Variants in MNDA observed in about 807,000 individuals in gnomAD.
MNDA encodes myeloid cell nuclear differentiation antigen, also known as epididymis secretory sperm binding protein.
A neutral mutation model predicts 37.8 loss-of-function variants in MNDA; 43 were observed. That is an observed-to-expected ratio of 1.14 (90% CI 0.89 to 1.47). The LOEUF (loss-of-function observed/expected upper bound fraction) is 1.47. Among genes scored for constraint, MNDA ranks in the 40% most tolerant of loss-of-function variants. MNDA has a pLI of 0.00. For synonymous variants in MNDA, 181 were observed against 169.0 expected (o/e 1.07, Z -0.55); for missense variants, 536 against 476.0 (o/e 1.13, Z -1.17).
chr1:158,834,403 T>C (rs1276293950), intron 1 of MNDA, among the ~76,000 whole-genome samples: 1 of 152,086 alleles, frequency 6.6e-6, no homozygotes, highest in African/African-American at 2.4e-5. Context: ...CGGCTAATTT[T>C]TGTATTTTTA....
Position 158,845,880 on chromosome 1 carries a change from C to T in MNDA, c.864C>T (p.Asp288=), listed in dbSNP as rs367869518. 1.5e-4 allele frequency: 240 copies of T among 1,614,016 alleles called. No homozygotes were observed. Among genetic ancestry groups the T allele is most frequent in the Non-Finnish European group, 1.9e-4 (227 of 1,180,020 alleles). ...TAAAGGAAGCATCATCTGTGTCTGACTTTAATCAAAATTTTGAGGTCCCAA... is the reference window on the plus strand; with the variant it reads ...TAAAGGAAGCATCATCTGTGTCTGATTTTAATCAAAATTTTGAGGTCCCAA... ...MEIKEASSVS[D]FNQNFEVPNR... is the part of the protein sequence containing the mutation. Residue 288 remains aspartate (D), a synonymous_variant, in exon 5 of 7, where the codon GAC becomes GAT. Coordinates refer to ENST00000368141, the MANE Select transcript of MNDA (RefSeq NM_002432.3).
Position 158,842,304 on chromosome 1 carries a change from T to C in MNDA, c.151T>C (p.Leu51=). The change falls in exon 2 of 7, where the codon TTG becomes CTG. Residue 51 remains leucine, a synonymous_variant. Coordinates refer to ENST00000368141, the MANE Select transcript of MNDA (RefSeq NM_002432.3). ...ATACAACAGAATTAAGATTACAGAT[T>C]TGATGGAAAAAAAGTTCCAAGGCGT... ...EEYNRIKITD[L]MEKKFQGVAC... The C allele has an allele frequency of 6.2e-7, 1 of 1,614,160 alleles. No homozygotes were observed. Among genetic ancestry groups the C allele is most frequent in the Non-Finnish European group, 8.5e-7 (1 of 1,179,996 alleles).
At chr1:158,847,953 A>G in intron 6 of MNDA, 37 bp downstream of exon 6, 1 of 1,582,770 alleles carries the variant, frequency 6.3e-7, no homozygotes, top group Non-Finnish European at 8.6e-7. Context: ...TTTGCTAAAG[A>G]GGCAAATAAT....
At chr1:158,845,475 C>T in intron 4 of MNDA, 112 bp from the exon 5 acceptor site, 2 of 1,019,156 alleles carry the variant, frequency 2.0e-6, no homozygotes, top group Non-Finnish European at 2.8e-6. Flanking sequence ...CTTCTGACCT[C>T]GTGATCCACC....
At chr1:158,842,636 G>C (rs1414997978) in intron 2 of MNDA, 3 of 372,954 alleles carry the variant, frequency 8.0e-6, no homozygotes, top group Non-Finnish European at 1.5e-5. Flanking sequence ...TTGAGGTAAG[G>C]ATAAAAAACC....
intron 5 of MNDA, among the ~76,000 whole-genome samples, chr1:158,846,668 T>A (rs60194098): frequency 0.085 from 12,874 of 152,244 alleles, 642 homozygotes; most frequent in East Asian, 0.12. Context: ...GATATGTCCA[T>A]GTCCAAATTC....
chr1:158,843,430 G>T lies in MNDA; in HGVS notation c.402+15G>T, dbSNP rs545101649. ...CTGTAGCTCAGGTAAGCTTGAGAAA[G>T]AGGAGCAGGACTGAAGCCTCACAGA... is the stretch of plus-strand genomic sequence containing the variant. On this transcript the variant is annotated intron_variant, in intron 3 of 6. Coordinates refer to ENST00000368141, the MANE Select transcript of MNDA (RefSeq NM_002432.3). 6.3e-7 allele frequency: 1 copy of T among 1,594,446 alleles called. No individual in the cohort carries two copies. The highest frequency in any genetic ancestry group is 1.4e-5 in the African/African-American group (1 of 73,840).
At chr1:158,840,326 G>T (rs1033720288) in intron 1 of MNDA, among the ~76,000 whole-genome samples, 1 of 152,126 alleles carries the variant, frequency 6.6e-6, no homozygotes, top group African/African-American at 2.4e-5. Context: ...GTTCCGCACG[G>T]CTGGGGAGTC....
chr1:158,847,184 T>C (rs1192059012), intron 5 of MNDA, among the ~76,000 whole-genome samples: 1 of 152,126 alleles, frequency 6.6e-6, no homozygotes, highest in Non-Finnish European at 1.5e-5. Flanking sequence ...AGGTGAGGGA[T>C]ACAAAACTAT....
chr1:158,846,568 A>G (rs1417646235), intron 5 of MNDA, among the ~76,000 whole-genome samples: 2 of 152,194 alleles, frequency 1.3e-5, no homozygotes, highest in Non-Finnish European at 2.9e-5. Flanking sequence ...AACAACTGAG[A>G]AATATTGAAT....
At chr1:158,848,480 C>A (rs576427936) in intron 6 of MNDA, among the ~76,000 whole-genome samples, 1 of 151,782 alleles carries the variant, frequency 6.6e-6, no homozygotes, top group Non-Finnish European at 1.5e-5. Context: ...GAGTTCTGTA[C>A]AACTGAAATT....
chr1:158,836,483 T>C (rs1658916535), intron 1 of MNDA, among the ~76,000 whole-genome samples: 2 of 151,992 alleles, frequency 1.3e-5, no homozygotes, highest in Non-Finnish European at 2.9e-5. Context: ...AATTTATCCA[T>C]TTATCCATTT....
At chr1:158,845,300 C>T (rs1162007810) in intron 4 of MNDA, among the ~76,000 whole-genome samples, 1 of 152,122 alleles carries the variant, frequency 6.6e-6, no homozygotes. Context: ...TGCAGTGGTG[C>T]GATCTGGTCT....
intron 4 of MNDA, among the ~76,000 whole-genome samples, chr1:158,845,219 G>GT (rs375031108): frequency 1.2e-4 from 17 of 145,692 alleles, no homozygotes; most frequent in African/African-American, 3.9e-4. Context: ...AGTTTTTGTT[G>GT]TTGTTTGTTT....
chr1:158,832,467 C>T (rs1658822936), intron 1 of MNDA, among the ~76,000 whole-genome samples: 1 of 151,634 alleles, frequency 6.6e-6, no homozygotes. Flanking sequence ...GTTAATTTCT[C>T]ATTGTAGTTC....
intron 2 of MNDA, chr1:158,842,704 G>C: frequency 1.7e-5 from 4 of 229,866 alleles, no homozygotes; most frequent in Non-Finnish European, 1.7e-5. Flanking sequence ...GTCAGAAAAT[G>C]AAAAAAAAAG....
intron 1 of MNDA, among the ~76,000 whole-genome samples, chr1:158,834,900 G>A (rs1010615218): frequency 2.6e-5 from 4 of 152,066 alleles, no homozygotes; most frequent in Admixed American, 6.6e-5. Flanking sequence ...CAGCCTTGAC[G>A]TCCATGTCAA....
chr1:158,843,161 G>A, intron 2 of MNDA, 118 bp from the exon 3 acceptor site: 2 of 1,324,456 alleles, frequency 1.5e-6, no homozygotes, highest in South Asian at 1.5e-5. Context: ...AGAGGTAACA[G>A]GCAAATCCGA....
At position 158,845,917 on chromosome 1, in the gene MNDA, G is replaced by T. The variant is rs751266784; in HGVS notation, c.901G>T (p.Glu301Ter). The change falls in exon 5 of 7, where the codon GAA becomes TAA. Residue 301 changes from glutamate to a stop codon, truncating the protein, a stop_gained. Coordinates refer to ENST00000368141, the MANE Select transcript of MNDA (RefSeq NM_002432.3). LOFTEE classifies it high-confidence loss of function. ...QNFEVPNRII[E>*]IANKTPKISQ... Reference sequence around the variant, plus strand: ...TTTTGAGGTCCCAAACAGAATTATCGAAATAGCAAATAAAACTCCCAAGAT... The same window carrying T: ...TTTTGAGGTCCCAAACAGAATTATCTAAATAGCAAATAAAACTCCCAAGAT... 6.2e-7 allele frequency: 1 copy of T among 1,614,052 alleles called. No homozygotes were observed. The highest frequency in any genetic ancestry group is 2.2e-5 in the East Asian group (1 of 44,858).
Sources: gnomAD v4.1 joint callset for allele counts (sites outside exome capture counted in the v4.1 genomes callset) on GRCh38, gnomAD v4.1.1 for gene constraint, MANE v1.5 for transcripts, NCBI Gene and HGNC (gene_info 2026-07-23, HGNC 2026-07-21) for gene names.